The following JPH2 variants were observed in gnomAD, a reference collection of about 807,000 sequenced individuals.
JPH2 encodes the protein junctophilin 2.
JPH2 carries 38 observed loss-of-function variants against 55.9 expected under a neutral mutation model. The observed-to-expected ratio is 0.68, with a 90% CI of 0.52 to 0.89. The LOEUF (loss-of-function observed/expected upper bound fraction) is 0.89, where lower values mean the gene tolerates loss of function less well. Ranked by LOEUF, JPH2 falls within the 40% of genes least tolerant of loss-of-function variation. The pLI is 0.00. For missense variants in JPH2, 964 were observed against 1,037.6 expected, an observed-to-expected ratio of 0.93 and a Z score of 0.97; for synonymous variants, 480 against 472.4, an observed-to-expected ratio of 1.02 and a Z score of -0.21.
At chr20:44,113,761 TCTTCCTCCCCCA>T (rs1360734794) in intron 5 of JPH2, among the ~76,000 whole-genome samples, 1 of 152,216 alleles carries the variant, frequency 6.6e-6, no homozygotes, top group Non-Finnish European at 1.5e-5. Context: ...ATCTCTTCCC[TCTTCCTCCCCCA>T]CTGTCATCTG....
chr20:44,120,140 A>G (rs1199743189), intron 2 of JPH2, among the ~76,000 whole-genome samples: 2 of 152,062 alleles, frequency 1.3e-5, no homozygotes, highest in Non-Finnish European at 2.9e-5. Flanking sequence ...TCACTTACAC[A>G]AGAATCCCCA....
chr20:44,125,507 A>G (rs1437732254), intron 2 of JPH2, among the ~76,000 whole-genome samples: 1 of 152,124 alleles, frequency 6.6e-6, no homozygotes, highest in African/African-American at 2.4e-5. Context: ...GCTCTTACCC[A>G]TGACACCAAG....
In JPH2 at chr20:44,159,682, T is replaced by G. The variant is rs761216130; in HGVS notation, c.1105A>C (p.Ser369Arg). The G allele has an allele frequency of 5.6e-6, 9 of 1,612,494 alleles. No homozygotes were observed. The highest frequency in any genetic ancestry group is 2.2e-5 in the South Asian group (2 of 91,078). ...SNKVRQKVEH[S>R]VEGAQRAAAI... Reference sequence around the variant, plus strand: ...GCGGCGCGCTGGGCACCCTCCACACTGTGCTCCACTTTCTGGCGGACCTTG... The same window carrying G: ...GCGGCGCGCTGGGCACCCTCCACACGGTGCTCCACTTTCTGGCGGACCTTG... Residue 369 changes from serine (S) to arginine (R), a missense_variant, in exon 2 of 6, where the codon AGT becomes CGT. Transcript: ENST00000372980. The surrounding 1 kb of genome is among the most constrained non-coding windows in gnomAD (Gnocchi z 5.7).
At position 44,134,579 on chromosome 20, in the gene JPH2, T is replaced by A. The variant is rs189042877; in HGVS notation, c.1170-15956A>T. Among the ~76,000 whole-genome samples the A allele has an allele frequency of 4.1e-3, 6 of 1,470 alleles. 1 individual carries two copies. The highest frequency in any genetic ancestry group is 0.043 in the East Asian group (2 of 46). 1.0% of individuals were successfully genotyped at this position (1,470 alleles called of 152,430 possible). A position where few individuals can be genotyped will look rare whatever the true frequency, so the allele number is the denominator to read the frequency against. On this transcript the variant is annotated intron_variant, in intron 2 of 5. Transcript: ENST00000372980. ...TATATATAAATAAATATATATTTAT[T>A]ATAAATATATATAAATATATATTTA... is the stretch of plus-strand genomic sequence containing the variant.
intron 1 of JPH2, among the ~76,000 whole-genome samples, chr20:44,172,092 C>A (rs1282899040): frequency 1.3e-5 from 2 of 152,216 alleles, no homozygotes; most frequent in Non-Finnish European, 2.9e-5. Context: ...GTTTATCTAG[C>A]AGAGATCTCG....
At chr20:44,136,665 A>C (rs1265256149) in intron 2 of JPH2, among the ~76,000 whole-genome samples, 1 of 152,138 alleles carries the variant, frequency 6.6e-6, no homozygotes, top group Non-Finnish European at 1.5e-5. Context: ...TTAACACCAA[A>C]ATAAGAAGAT....
chr20:44,133,033 C>G (rs1168392367), intron 2 of JPH2, among the ~76,000 whole-genome samples: 2 of 11,854 alleles, frequency 1.7e-4, no homozygotes, highest in Non-Finnish European at 4.0e-4. Flanking sequence ...CCACCACCCC[C>G]CTCCACAGCT....
At chr20:44,148,727 C>T (rs778270636) in intron 2 of JPH2, among the ~76,000 whole-genome samples, 12 of 152,074 alleles carry the variant, frequency 7.9e-5, no homozygotes, top group East Asian at 1.9e-4. Flanking sequence ...GATTCAACAC[C>T]GGGCAGACTG....
intron 2 of JPH2, among the ~76,000 whole-genome samples, chr20:44,120,973 C>T (rs536712343): frequency 2.8e-4 from 43 of 152,274 alleles, no homozygotes; most frequent in Non-Finnish European, 4.7e-4. Flanking sequence ...GATGAGGGAG[C>T]TGGCTAGTAA....
intron 1 of JPH2, among the ~76,000 whole-genome samples, chr20:44,183,582 T>TA (rs887307640): frequency 1.3e-5 from 2 of 152,236 alleles, no homozygotes; most frequent in African/African-American, 4.8e-5. Flanking sequence ...CTCCCTGGGC[T>TA]AGCTGATGCC....
intron 1 of JPH2, among the ~76,000 whole-genome samples, chr20:44,183,037 A>G (rs531249710): frequency 6.6e-6 from 1 of 151,948 alleles, no homozygotes; most frequent in Admixed American, 6.5e-5. Flanking sequence ...ACACGCACAC[A>G]TAAATACACA....
At chr20:44,126,196 A>AAGGAAGGAAGGAAGGAAGGG (rs2072275913) in intron 2 of JPH2, among the ~76,000 whole-genome samples, 1 of 115,208 alleles carries the variant, frequency 8.7e-6, no homozygotes, top group South Asian at 3.9e-4. Flanking sequence ...GGAAGGGAGG[A>AAGGAAGGAAGGAAGGAAGGG]AGGAAGGAAG....
At chr20:44,115,632 C>G (rs748621249) in intron 4 of JPH2, 33 bp downstream of exon 4, 1 of 1,611,750 alleles carries the variant, frequency 6.2e-7, no homozygotes, top group Non-Finnish European at 8.5e-7. Flanking sequence ...CTAGGGAACC[C>G]GACCTTAGGC....
At chr20:44,150,757 G>A (rs979899250) in intron 2 of JPH2, among the ~76,000 whole-genome samples, 4 of 152,206 alleles carry the variant, frequency 2.6e-5, no homozygotes, top group Non-Finnish European at 5.9e-5. Context: ...CAGGTGTGGT[G>A]GCTCATGCCT....
At chr20:44,158,069 A>T (rs2072578118) in intron 2 of JPH2, among the ~76,000 whole-genome samples, 2 of 152,178 alleles carry the variant, frequency 1.3e-5, no homozygotes, top group Non-Finnish European at 2.9e-5. Context: ...ATAGGTAAAG[A>T]CCTCAGAACA....
chr20:44,140,759 T>A (rs1344390707), intron 2 of JPH2, among the ~76,000 whole-genome samples: 1 of 152,070 alleles, frequency 6.6e-6, no homozygotes, highest in South Asian at 2.1e-4. Context: ...CCAAGAAGAA[T>A]CACTGAAGCA....
At chr20:44,174,778 A>G (rs1286743389) in intron 1 of JPH2, among the ~76,000 whole-genome samples, 2 of 152,102 alleles carry the variant, frequency 1.3e-5, no homozygotes, top group Non-Finnish European at 2.9e-5. Context: ...AGGTGGGTGG[A>G]TCTCTTGAGC....
chr20:44,116,255 C>T lies in JPH2; in HGVS notation c.1420G>A (p.Glu474Lys), dbSNP rs1033476644. 1.1e-4 allele frequency: 164 copies of T among 1,511,526 alleles called. No homozygotes were observed. The highest frequency in any genetic ancestry group is 1.4e-4 in the Non-Finnish European group (159 of 1,135,652). 93.6% of individuals were successfully genotyped at this position (1,511,526 alleles called of 1,614,324 possible). ...CCCTCGGGCCGAGGGGTCTCACGCT[C>T]GTGCAGCTGCGGGCTCTCGCGGGGC... ...QPPRESPQLH[E>K]RETPRPEGGS... Residue 474 changes from glutamate to lysine, a missense_variant, in exon 4 of 6, where the codon GAG (glutamate) becomes AAG (lysine). By Grantham distance (56) the Glu-to-Lys change is moderately conservative (BLOSUM62 1). Coordinates refer to ENST00000372980, the MANE Select transcript of JPH2 (RefSeq NM_020433.5).
intron 2 of JPH2, among the ~76,000 whole-genome samples, chr20:44,158,220 G>C (rs748238349): frequency 6.6e-6 from 1 of 152,182 alleles, no homozygotes; most frequent in South Asian, 2.1e-4. Context: ...AGGGAGTCAG[G>C]CTTGACCTGA....
Sources: gnomAD v4.1 joint callset for allele counts (sites outside exome capture counted in the v4.1 genomes callset) on GRCh38, gnomAD v4.1.1 for gene constraint, Gnocchi (gnomAD v3.1) non-coding constraint, MANE v1.5 for transcripts, NCBI Gene and HGNC (gene_info 2026-07-23, HGNC 2026-07-21) for gene names.